Variants in LAMA3 observed in about 807,000 individuals in gnomAD.
The protein encoded by LAMA3 is laminin subunit alpha-3.
Under a neutral mutation model 402.0 loss-of-function variants are expected in LAMA3, and 281 were observed. The ratio of observed to expected loss-of-function variants is 0.70; its 90% CI spans 0.63 to 0.77. LAMA3 has a LOEUF of 0.77. Ranked by LOEUF, LAMA3 falls within the 30% of genes least tolerant of loss-of-function variation. The probability of loss-of-function intolerance (pLI) is 0.00; values close to 1 mark genes in which losing one functional copy is unlikely to be tolerated. For missense variants in LAMA3, 3,840 were observed against 4,215.5 expected, an observed-to-expected ratio of 0.91 and a Z score of 2.47; for synonymous variants, 1,431 against 1,558.4, an observed-to-expected ratio of 0.92 and a Z score of 1.93.
Position 23,864,895 on chromosome 18 carries a change from A to G in LAMA3, c.4683+12A>G. 1.3e-6 allele frequency: 2 copies of G among 1,574,372 alleles called. No individual in the cohort carries two copies. The highest frequency in any genetic ancestry group is 2.2e-5 in the East Asian group (1 of 44,710). ...ATGTACAGCTCACTGTAGGTATCAG[A>G]GCATGACCTAAGTGGCAGGAAGTGG... On this transcript the variant is annotated intron_variant, in intron 36 of 74. Transcript: ENST00000313654.
At chr18:23,915,664 A>G (rs1402441677) in intron 59 of LAMA3, among the ~76,000 whole-genome samples, 1 of 152,162 alleles carries the variant, frequency 6.6e-6, no homozygotes, top group Non-Finnish European at 1.5e-5. Context: ...AAAAGTCTTT[A>G]TGAAAATTTT....
Position 23,876,287 on chromosome 18 carries a change from A to C in LAMA3, c.4999-7A>C. 3 of 1,597,306 alleles carry C rather than the reference A, an allele frequency of 1.9e-6. No homozygotes were observed. Among genetic ancestry groups the C allele is most frequent in the Non-Finnish European group, 2.6e-6 (3 of 1,164,592 alleles). ...TGTATTGATTAAACACTTTGTTTGA[A>C]AAATAGGGTTGTAGCCCTGGATACT... On this transcript the variant is annotated splice_polypyrimidine_tract_variant and splice_region_variant and intron_variant, in intron 38 of 74. Transcript: ENST00000313654.
intron 69 of LAMA3, 22 bp downstream of exon 69, chr18:23,943,993 G>C (rs201413061): frequency 8.1e-6 from 13 of 1,609,052 alleles, no homozygotes; most frequent in Non-Finnish European, 1.1e-5. Context: ...GGCTGTGTCA[G>C]TATCTCCAGT....
intron 44 of LAMA3, among the ~76,000 whole-genome samples, chr18:23,895,952 A>G (rs2080861184): frequency 6.6e-6 from 1 of 152,178 alleles, no homozygotes; most frequent in African/African-American, 2.4e-5. Context: ...GCTGTATCCC[A>G]CACACCTTGC....
rs368989086 is a variant in LAMA3, at chr18:23,847,714, C to T, written c.4136+46C>T. 4.4e-5 allele frequency: 69 copies of T among 1,565,022 alleles called. No homozygotes were observed. The African/African-American group carries it at 5.0e-4, about 11-fold the overall frequency. On this transcript the variant is annotated intron_variant, in intron 32 of 74. Coordinates refer to ENST00000313654, the MANE Select transcript of LAMA3 (RefSeq NM_198129.4). The stretch of plus-strand genomic sequence containing the variant: ...GTCTGCTTCTGTCACAGGGAGGTCG[C>T]GTGCCATCTGCCCACACACTGGTCA...
Position 23,933,950 on chromosome 18 carries a change from C to A in LAMA3, c.8862+15C>A, listed in dbSNP as rs2082239833. 2 of 1,613,430 alleles carry A rather than the reference C, an allele frequency of 1.2e-6. No individual in the cohort carries two copies. Among genetic ancestry groups the A allele is most frequent in the Non-Finnish European group, 8.5e-7 (1 of 1,179,608 alleles). ...GTATCAACCAGGTAAGTGTCCAAAC[C>A]TAACCCTGGGTTTCCCTCTTCCCTG... On this transcript the variant is annotated intron_variant, in intron 67 of 74. Transcript: ENST00000313654.
intron 3 of LAMA3, among the ~76,000 whole-genome samples, chr18:23,748,351 G>A (rs1455297766): frequency 1.3e-5 from 2 of 150,428 alleles, no homozygotes; most frequent in African/African-American, 4.9e-5. Flanking sequence ...AACCCAGGAA[G>A]CAGATGTTGC....
rs1285413069 is a variant in LAMA3 at position 23,943,815 on chromosome 18, A to C, written c.9054A>C (p.Thr3018=). 1 of 1,613,988 alleles carries C rather than the reference A, an allele frequency of 6.2e-7. No homozygotes were observed. Among genetic ancestry groups the C allele is most frequent in the African/African-American group, 1.3e-5 (1 of 75,036 alleles). Residue 3018 remains threonine (T), a synonymous_variant, in exon 69 of 75, where the codon ACA becomes ACC. Transcript: ENST00000313654. ...PRSQFAVDMQ[T]TSSRGLVFHT... Reference sequence around the variant, plus strand: ...CACAGTTTGCTGTGGACATGCAGACAACATCCTCCAGAGGACTGGTGTTTC... The same window carrying C: ...CACAGTTTGCTGTGGACATGCAGACCACATCCTCCAGAGGACTGGTGTTTC...
At position 23,925,623 on chromosome 18, in the gene LAMA3, A is replaced by G. The variant is rs576624877; in HGVS notation, c.8178-2500A>G. On this transcript the variant is annotated intron_variant, in intron 62 of 74. Transcript: ENST00000313654. Reference sequence around the variant, plus strand: ...AAGCTTTTGTGGACAGATTGGCCCAAAGTATACATAAATACCCCAACGCAG... The same window carrying G: ...AAGCTTTTGTGGACAGATTGGCCCAGAGTATACATAAATACCCCAACGCAG... Among the ~76,000 whole-genome samples the G allele has an allele frequency of 4.6e-5, 7 of 152,294 alleles. No homozygotes were observed. The East Asian group carries it at 7.7e-4, about 17-fold the overall frequency.
chr18:23,915,637 T>TTTCA (rs1278152784), intron 59 of LAMA3, among the ~76,000 whole-genome samples: 3 of 152,290 alleles, frequency 2.0e-5, no homozygotes, highest in Admixed American at 6.5e-5. Context: ...AAATGCTAGA[T>TTTCA]AGTTTTCTCA....
At chr18:23,714,130 G>T in intron 2 of LAMA3, 58 bp downstream of exon 2, 1 of 1,452,312 alleles carries the variant, frequency 6.9e-7, no homozygotes. Context: ...TTTCTATGGG[G>T]ATTTCTGATA....
chr18:23,904,609 C>G lies in LAMA3; in HGVS notation c.6530C>G (p.Thr2177Ser). ...GTGCGCTGTGCTGTGGATGCCGCCA[C>G]CGCCTACGAGAACATCCTCAATGCC... ...ELVRCAVDAATAYENILNAIK... is the reference protein window; with the variant it reads ...ELVRCAVDAASAYENILNAIK... The change falls in exon 51 of 75, where the codon ACC (threonine) becomes AGC (serine). Residue 2177 changes from threonine to serine, a missense_variant. Physicochemically the swap from Thr to Ser is moderately conservative, Grantham distance 58. This residue lies in a region of LAMA3 where 891 missense variants were observed against 857.5 expected (regional missense o/e 1.04). Transcript: ENST00000313654. 6.2e-7 allele frequency: 1 copy of G among 1,613,082 alleles called. No homozygotes were observed. The highest frequency in any genetic ancestry group is 1.1e-5 in the South Asian group (1 of 90,812).
Position 23,954,533 on chromosome 18 carries a change from G to A in LAMA3, c.9887G>A (p.Trp3296Ter), listed in dbSNP as rs2083046669. Residue 3296 changes from tryptophan (W) to a stop codon, truncating the protein, a stop_gained, in exon 75 of 75, where the codon TGG becomes TAG. Transcript: ENST00000313654. LOFTEE classifies it high-confidence loss of function. ...TTGACGACACTGAGGATCCCTGTGT[G>A]GAAATCATTCTTTGGCTGTCTGAGG... Reference protein sequence around the residue: ...ANLTTLRIPVWKSFFGCLRNI... With the variant: ...ANLTTLRIPV 1 of 1,613,952 alleles carries A rather than the reference G, an allele frequency of 6.2e-7. No homozygotes were observed. Among genetic ancestry groups the A allele is most frequent in the Non-Finnish European group, 8.5e-7 (1 of 1,179,948 alleles).
At chr18:23,729,863 G>A (rs2061361405) in intron 2 of LAMA3, among the ~76,000 whole-genome samples, 1 of 152,218 alleles carries the variant, frequency 6.6e-6, no homozygotes, top group East Asian at 1.9e-4. Flanking sequence ...TAGGCGCTGT[G>A]TGATGGCAAT....
At chr18:23,714,153 TA>T (rs34200895) in intron 2 of LAMA3, 81 bp downstream of exon 2, 713,748 of 1,179,058 alleles carry the variant, frequency 0.61, 214,527 homozygotes, top group Admixed American at 0.65. Flanking sequence ...ATAATTATTG[TA>T]AAAAAAAAAC....
At chr18:23,740,187 C>A (rs1020952192) in intron 2 of LAMA3, among the ~76,000 whole-genome samples, 2 of 152,098 alleles carry the variant, frequency 1.3e-5, no homozygotes, top group African/African-American at 4.8e-5. Flanking sequence ...TTATAGTCAC[C>A]ACCAAATCTA....
intron 60 of LAMA3, 58 bp downstream of exon 60, chr18:23,916,753 G>A: frequency 1.3e-6 from 2 of 1,552,418 alleles, no homozygotes; most frequent in Non-Finnish European, 1.8e-6. Flanking sequence ...TTAGCAATTT[G>A]GAGATAACTG....
In LAMA3 at chr18:23,909,145, A is replaced by G; in HGVS notation, c.7016-8A>G. 6.2e-7 allele frequency: 1 copy of G among 1,613,102 alleles called. No individual in the cohort carries two copies. Among genetic ancestry groups the G allele is most frequent in the Non-Finnish European group, 8.5e-7 (1 of 1,179,298 alleles). ...ATCTTACATTTCTATTTTTTTTCTCACCAACAGTGAATAAGTTAACCAACA... is the reference window on the plus strand; with the variant it reads ...ATCTTACATTTCTATTTTTTTTCTCGCCAACAGTGAATAAGTTAACCAACA... On this transcript the variant is annotated splice_polypyrimidine_tract_variant and splice_region_variant and intron_variant, in intron 54 of 74. Transcript: ENST00000313654.
At chr18:23,858,296 C>T (rs1031252820) in intron 33 of LAMA3, among the ~76,000 whole-genome samples, 1 of 152,122 alleles carries the variant, frequency 6.6e-6, no homozygotes, top group African/African-American at 2.4e-5. Context: ...AAACCCATTC[C>T]TGGACCATGG....
Sources: gnomAD v4.1 joint callset for allele counts (sites outside exome capture counted in the v4.1 genomes callset) on GRCh38, gnomAD v4.1.1 for gene constraint, gnomAD v4.1.1 regional missense constraint, MANE v1.5 for transcripts, NCBI Gene and HGNC (gene_info 2026-07-23, HGNC 2026-07-21) for gene names.